GMDS: variants seen among roughly 807,000 people sequenced by gnomAD.
The protein encoded by GMDS is GDP-mannose 4,6-dehydratase.
Under a neutral mutation model 49.9 loss-of-function variants are expected in GMDS, and 20 were observed. The observed-to-expected ratio is 0.40, with a 90% CI of 0.28 to 0.58. GMDS has a LOEUF of 0.58. Ranked by LOEUF, GMDS falls within the 20% of genes least tolerant of loss-of-function variation. The pLI is 0.42. For synonymous variants in GMDS, 177 were observed against 178.6 expected (o/e 0.99, Z 0.07); for missense variants, 362 against 481.4 (o/e 0.75, Z 2.32).
At chr6:1,764,632 C>A (rs564890691) in intron 7 of GMDS, among the ~76,000 whole-genome samples, 1 of 152,298 alleles carries the variant, frequency 6.6e-6, no homozygotes, top group South Asian at 2.1e-4. Context: ...CCTAAGAGAT[C>A]ATCACCGCTC....
intron 7 of GMDS, among the ~76,000 whole-genome samples, chr6:1,832,399 C>CAA (rs34145877): frequency 0.083 from 12,551 of 151,058 alleles, 664 homozygotes; most frequent in East Asian, 0.2. Flanking sequence ...TATACCCCTA[C>CAA]AAAAAAAACA....
chr6:1,662,822 T>G (rs948801170), intron 9 of GMDS, among the ~76,000 whole-genome samples: 5 of 152,234 alleles, frequency 3.3e-5, no homozygotes, highest in African/African-American at 1.2e-4. Context: ...CCTGCCAAGA[T>G]GCTGAGGGCA....
chr6:2,176,592 A>G (rs1778295486), intron 1 of GMDS, among the ~76,000 whole-genome samples: 1 of 152,228 alleles, frequency 6.6e-6, no homozygotes, highest in African/African-American at 2.4e-5. Flanking sequence ...GGCAAGGTGT[A>G]GAGACAACCT....
rs757824183 is a variant in GMDS at position 1,635,320 on chromosome 6, G to A, written c.988-10780C>T. On this transcript the variant is annotated intron_variant, in intron 9 of 10. Transcript: ENST00000380815. This position sits in a 1 kb window ranked among gnomAD's most constrained non-coding sequence, Gnocchi z 4.7. ...GAGGGGAAACAGCTTGTCTTCTTCCGTGACCCTGGTCCACGGGACAGGCGA... is the reference window on the plus strand; with the variant it reads ...GAGGGGAAACAGCTTGTCTTCTTCCATGACCCTGGTCCACGGGACAGGCGA... Among the ~76,000 whole-genome samples the A allele has an allele frequency of 5.9e-5, 9 of 152,280 alleles. No homozygotes were observed. Among genetic ancestry groups the A allele is most frequent in the East Asian group, 1.9e-4 (1 of 5,166 alleles).
chr6:1,634,567 C>T (rs776990653), intron 9 of GMDS, among the ~76,000 whole-genome samples: 27 of 152,312 alleles, frequency 1.8e-4, no homozygotes, highest in South Asian at 4.1e-4. Flanking sequence ...AAAGTCCACT[C>T]GTTTACAGTG....
chr6:1,644,922 C>A (rs551429912), intron 9 of GMDS, among the ~76,000 whole-genome samples: 23 of 149,800 alleles, frequency 1.5e-4, no homozygotes, highest in Admixed American at 1.3e-3. Flanking sequence ...GAGATTCAGA[C>A]TCTGGTCCTT....
chr6:2,109,612 C>T (rs940725357), intron 4 of GMDS, among the ~76,000 whole-genome samples: 1 of 152,132 alleles, frequency 6.6e-6, no homozygotes, highest in African/African-American at 2.4e-5. Context: ...CTGGTGTGGA[C>T]CTGGATATGA....
chr6:2,105,054 C>A (rs938678840), intron 4 of GMDS, among the ~76,000 whole-genome samples: 1 of 151,902 alleles, frequency 6.6e-6, no homozygotes, highest in Admixed American at 6.6e-5. Flanking sequence ...TGGTGGCAGG[C>A]ACCTGTAGTC....
At chr6:2,118,750 T>G (rs1366724735) in intron 2 of GMDS, among the ~76,000 whole-genome samples, 1 of 152,176 alleles carries the variant, frequency 6.6e-6, no homozygotes, top group Non-Finnish European at 1.5e-5. Context: ...CACGAAAATA[T>G]TTTAGGAAAG....
chr6:1,727,526 A>G (rs1015334752), intron 8 of GMDS, among the ~76,000 whole-genome samples: 2 of 152,152 alleles, frequency 1.3e-5, no homozygotes, highest in South Asian at 2.1e-4. Context: ...GATGAATCCT[A>G]TGGACACAGG....
intron 7 of GMDS, among the ~76,000 whole-genome samples, chr6:1,901,637 CT>C (rs889763203): frequency 1.3e-5 from 2 of 151,102 alleles, no homozygotes; most frequent in African/African-American, 4.9e-5. Flanking sequence ...TCCCACAAGG[CT>C]TTTTTTTTGA....
At chr6:2,206,763 GC>G (rs1210767578) in intron 1 of GMDS, among the ~76,000 whole-genome samples, 12 of 152,160 alleles carry the variant, frequency 7.9e-5, no homozygotes, top group Non-Finnish European at 1.5e-5. Flanking sequence ...CCAGATTGAT[GC>G]CGGTATTGCT....
chr6:1,764,188 A>G (rs1229984087), intron 7 of GMDS, among the ~76,000 whole-genome samples: 1 of 152,178 alleles, frequency 6.6e-6, no homozygotes, highest in African/African-American at 2.4e-5. Flanking sequence ...ACAAATGTAC[A>G]TTCATACAAG....
intron 4 of GMDS, among the ~76,000 whole-genome samples, chr6:2,014,791 A>G (rs188541033): frequency 1.5e-3 from 222 of 152,274 alleles, no homozygotes; most frequent in African/African-American, 5.3e-3. Flanking sequence ...CACAGTGGAT[A>G]AAAAATAAGA....
At chr6:1,930,336 A>G (rs181529390) in intron 6 of GMDS, 106 bp from the exon 7 acceptor site, 18 of 741,180 alleles carry the variant, frequency 2.4e-5, no homozygotes, top group Middle Eastern at 2.7e-4. Flanking sequence ...TTCATTCTAC[A>G]CTCCCAGCCA....
At chr6:2,045,062 C>T (rs1769919104) in intron 4 of GMDS, among the ~76,000 whole-genome samples, 1 of 151,990 alleles carries the variant, frequency 6.6e-6, no homozygotes, top group African/African-American at 2.4e-5. Context: ...ACAATTGTTA[C>T]TAATGTTTTG....
intron 7 of GMDS, among the ~76,000 whole-genome samples, chr6:1,834,510 C>T (rs1756832972): frequency 6.6e-6 from 1 of 152,114 alleles, no homozygotes; most frequent in African/African-American, 2.4e-5. Context: ...AATAACAAAA[C>T]ACAACAAAAT....
intron 6 of GMDS, 136 bp from the exon 7 acceptor site, chr6:1,930,366 G>A: frequency 1.3e-5 from 8 of 602,284 alleles, no homozygotes; most frequent in Middle Eastern, 3.8e-4. Flanking sequence ...AACAATAAAA[G>A]AAAAGAAAAA....
intron 7 of GMDS, among the ~76,000 whole-genome samples, chr6:1,764,163 G>A (rs1490358912): frequency 6.6e-6 from 1 of 152,120 alleles, no homozygotes; most frequent in Non-Finnish European, 1.5e-5. Flanking sequence ...TAACTGAGAA[G>A]GCCTTTCTGT....
Sources: allele counts gnomAD v4.1 joint callset (sites outside exome capture counted in the v4.1 genomes callset), GRCh38; gene constraint gnomAD v4.1.1; non-coding constraint Gnocchi (gnomAD v3.1); transcripts MANE v1.5; gene names NCBI Gene and HGNC (gene_info 2026-07-23, HGNC 2026-07-21).